Variants in SLC17A7 observed in about 807,000 individuals in gnomAD.
The protein encoded by SLC17A7 is solute carrier family 17 member 7.
A neutral mutation model predicts 59.1 loss-of-function variants in SLC17A7; 15 were observed. The ratio of observed to expected loss-of-function variants is 0.25; its 90% CI spans 0.17 to 0.39. The LOEUF is 0.39. Ranked by LOEUF, SLC17A7 falls within the 10% of genes least tolerant of loss-of-function variation. The probability of loss-of-function intolerance (pLI) is 1.00; values close to 1 mark genes in which losing one functional copy is unlikely to be tolerated. For missense variants in SLC17A7, 499 were observed against 765.1 expected, an observed-to-expected ratio of 0.65 and a Z score of 4.10; for synonymous variants, 353 against 308.9, an observed-to-expected ratio of 1.14 and a Z score of -1.50.
intron 1 of SLC17A7, among the ~76,000 whole-genome samples, chr19:49,438,843 TGAG>T (rs773548682): frequency 5.3e-5 from 8 of 152,130 alleles, no homozygotes; most frequent in Non-Finnish European, 1.0e-4. Context: ...CTTGTTAATA[TGAG>T]GAGATGTCAG....
chr19:49,432,542 A>G lies in SLC17A7; in HGVS notation c.1127T>C (p.Val376Ala). 1 of 1,613,542 alleles carries G rather than the reference A, an allele frequency of 6.2e-7. No homozygotes were observed. The highest frequency in any genetic ancestry group is 8.5e-7 in the Non-Finnish European group (1 of 1,179,804). The change falls in exon 9 of 12, where the codon GTG becomes GCG. Residue 376 changes from valine (V) to alanine (A), a missense_variant. This residue lies in a region of SLC17A7 where 323 missense variants were observed against 607.2 expected (regional missense o/e 0.53). Transcript: ENST00000221485. ...ACCTCCGCAGTTCATCAACTTGCGC[A>G]CGTTGGTGGTGGACATGATGCGGCG... ...RSRRIMSTTN[V>A]RKLMNCGGFG...
Position 49,436,976 on chromosome 19 carries a change from C to T in SLC17A7, c.63-175G>A. ...CCTTCGCCCCCCTGATCCAGAAATCCTCCATCTCCCTCAGACCGGGAATTC... is the reference window on the plus strand; with the variant it reads ...CCTTCGCCCCCCTGATCCAGAAATCTTCCATCTCCCTCAGACCGGGAATTC... On this transcript the variant is annotated intron_variant, in intron 1 of 11. Coordinates refer to ENST00000221485, the MANE Select transcript of SLC17A7 (RefSeq NM_020309.4). The surrounding 1 kb of genome is among the most constrained non-coding windows in gnomAD (Gnocchi z 4.1). The T allele has an allele frequency of 3.4e-6, 3 of 874,160 alleles. No homozygotes were observed. The highest frequency in any genetic ancestry group is 5.1e-6 in the Non-Finnish European group (3 of 589,710). 54.2% of individuals were successfully genotyped at this position (874,160 alleles called of 1,614,324 possible). A position where few individuals can be genotyped will look rare whatever the true frequency, so the allele number is the denominator to read the frequency against.
chr19:49,437,188 C>A (rs564017134), intron 1 of SLC17A7: 122 of 293,920 alleles, frequency 4.2e-4, no homozygotes, highest in African/African-American at 1.8e-3. Context: ...TTCGAGGAAG[C>A]AAAAGGTGCT....
rs2078978434 is a variant in SLC17A7, at chr19:49,436,065, A to G, written c.315+484T>C. 6.0e-6 allele frequency: 1 copy of G among 166,162 alleles called. No homozygotes were observed. The highest frequency in any genetic ancestry group is 1.3e-5 in the Non-Finnish European group (1 of 75,076). 10.3% of individuals were successfully genotyped at this position (166,162 alleles called of 1,614,324 possible). ...CAGAGCAATGGCCCCACTGCACCGT[A>G]GCCTGGGAGACCCTGTGGGTCTTTA... On this transcript the variant is annotated intron_variant, in intron 2 of 11. Coordinates refer to ENST00000221485, the MANE Select transcript of SLC17A7 (RefSeq NM_020309.4). This position sits in a 1 kb window ranked among gnomAD's most constrained non-coding sequence, Gnocchi z 4.1.
In SLC17A7 at chr19:49,431,469, C is replaced by A. The variant is rs200935592; in HGVS notation, c.1151-21G>T. 9,844 of 1,604,256 alleles carry A rather than the reference C, an allele frequency of 6.1e-3. 64 individuals carry two copies. Among genetic ancestry groups the A allele is most frequent in the Middle Eastern group, 0.023 (130 of 5,536 alleles). On this transcript the variant is annotated intron_variant, in intron 9 of 11. Transcript: ENST00000221485. This position sits in a 1 kb window ranked among gnomAD's most constrained non-coding sequence, Gnocchi z 4.6. Reference sequence around the variant, plus strand: ...GAAGCCTACGGGGGCGGGGGGGGCCCGCGTCTCCTGAGTGTCGGCCGGAGC... The same window carrying A: ...GAAGCCTACGGGGGCGGGGGGGGCCAGCGTCTCCTGAGTGTCGGCCGGAGC...
intron 1 of SLC17A7, among the ~76,000 whole-genome samples, chr19:49,439,967 G>A (rs1258811621): frequency 6.6e-6 from 1 of 152,016 alleles, no homozygotes; most frequent in Non-Finnish European, 1.5e-5. Flanking sequence ...TCACACTGAT[G>A]TATTTTGAGA....
chr19:49,436,184 T>G lies in SLC17A7; in HGVS notation c.315+365A>C. 1 of 258,912 alleles carries G rather than the reference T, an allele frequency of 3.9e-6. No individual in the cohort carries two copies. 16.0% of individuals were successfully genotyped at this position (258,912 alleles called of 1,614,324 possible). ...GGAGGAACCTGAGATGGGACTGAGA[T>G]TAAATAGATGTGACCCGGGGACATG... On this transcript the variant is annotated intron_variant, in intron 2 of 11. Coordinates refer to ENST00000221485, the MANE Select transcript of SLC17A7 (RefSeq NM_020309.4). This position sits in a 1 kb window ranked among gnomAD's most constrained non-coding sequence, Gnocchi z 4.1.
Position 49,433,648 on chromosome 19 carries a change from C to G in SLC17A7, c.867+78G>C. ...CGTCTCCTCTAGAGTCTGCAGGAAC[C>G]GTCCCTGATCTACACGCTGTGCAGG... On this transcript the variant is annotated intron_variant, in intron 7 of 11. Transcript: ENST00000221485. The surrounding 1 kb of genome is among the most constrained non-coding windows in gnomAD (Gnocchi z 5.7). 1 of 1,595,346 alleles carries G rather than the reference C, an allele frequency of 6.3e-7. No homozygotes were observed. The highest frequency in any genetic ancestry group is 8.6e-7 in the Non-Finnish European group (1 of 1,165,184).
In SLC17A7 at chr19:49,441,374, C is replaced by T; in HGVS notation, c.6G>A (p.Glu2=). 1.3e-6 allele frequency: 2 copies of T among 1,592,922 alleles called. No individual in the cohort carries two copies. The highest frequency in any genetic ancestry group is 1.7e-6 in the Non-Finnish European group (2 of 1,173,138). The part of the protein sequence containing the change: M[E]FRQEEFRKLA... ...GCTTCCGAAACTCCTCCTGGCGGAA[C>T]TCCATGGTGGCGGCTCCTGCCGCCG... Residue 2 remains glutamate, a synonymous_variant, in exon 1 of 12, where the codon GAG becomes GAA. Coordinates refer to ENST00000221485, the MANE Select transcript of SLC17A7 (RefSeq NM_020309.4).
chr19:49,431,113 G>T lies in SLC17A7; in HGVS notation c.1291C>A (p.Pro431Thr). The T allele has an allele frequency of 6.2e-7, 1 of 1,613,942 alleles. No individual in the cohort carries two copies. Among genetic ancestry groups the T allele is most frequent in the Non-Finnish European group, 8.5e-7 (1 of 1,180,002 alleles). The change falls in exon 11 of 12, where the codon CCG (proline) becomes ACG (threonine). Residue 431 changes from proline to threonine, a missense_variant. Coordinates refer to ENST00000221485, the MANE Select transcript of SLC17A7 (RefSeq NM_020309.4). This position sits in a 1 kb window ranked among gnomAD's most constrained non-coding sequence, Gnocchi z 4.6. ...GFNVNHLDIA[P>T]RYASILMGIS... is the part of the protein sequence containing the mutation. ...CCCATGAGGATGCTGGCGTAGCGCG[G>T]GGCTATGTCCAGGTGGTTCACGTTG...
chr19:49,433,622 C>G lies in SLC17A7; in HGVS notation c.867+104G>C. The G allele has an allele frequency of 6.6e-7, 1 of 1,523,340 alleles. No individual in the cohort carries two copies. The allele number at this position is 1,523,340 out of a possible 1,614,324, so 94.4% of individuals were successfully genotyped here. Reference sequence around the variant, plus strand: ...TAGCCCCTCTCTTTGCGTTCCAGTCCCGTCTCCTCTAGAGTCTGCAGGAAC... The same window carrying G: ...TAGCCCCTCTCTTTGCGTTCCAGTCGCGTCTCCTCTAGAGTCTGCAGGAAC... On this transcript the variant is annotated intron_variant, in intron 7 of 11. Transcript: ENST00000221485. This position sits in a 1 kb window ranked among gnomAD's most constrained non-coding sequence, Gnocchi z 5.7.
chr19:49,432,619 G>T lies in SLC17A7; in HGVS notation c.1050C>A (p.Val350=), dbSNP rs532411812. ...VGLVSALPHL[V]MTIIVPIGGQ... ...CGCCGATGGGCACGATGATGGTCAT[G>T]ACCAGGTGGGGCAGCGCGGACACCA... Residue 350 remains valine (V), a synonymous_variant, in exon 9 of 12, where the codon GTC becomes GTA. Transcript: ENST00000221485. The T allele has an allele frequency of 2.5e-5, 41 of 1,613,890 alleles. No homozygotes were observed. In the South Asian group the frequency reaches 4.4e-4, roughly 17 times the overall value.
At chr19:49,439,765 C>T (rs1040337310) in intron 1 of SLC17A7, among the ~76,000 whole-genome samples, 5 of 152,120 alleles carry the variant, frequency 3.3e-5, no homozygotes, top group African/African-American at 4.8e-5. Flanking sequence ...GGCCAGAGCC[C>T]GGGGGTCTCT....
At position 49,432,841 on chromosome 19, in the gene SLC17A7, G is replaced by C; in HGVS notation, c.987C>G (p.Phe329Leu). Residue 329 changes from phenylalanine to leucine, a missense_variant, in exon 8 of 12, where the codon TTC (phenylalanine) becomes TTG (leucine). Physicochemically the swap from Phe to Leu is conservative, Grantham distance 22 (BLOSUM62 0). This residue lies in a region of SLC17A7 where 323 missense variants were observed against 607.2 expected (regional missense o/e 0.53). Coordinates refer to ENST00000221485, the MANE Select transcript of SLC17A7 (RefSeq NM_020309.4). ...TGATCTCGAAGCCGAACACTTCTTC[G>C]AAGTAGGCGGGCTGGGAGATGAGCA... Reference protein sequence around the residue: ...YLLLISQPAYFEEVFGFEISK... With the variant: ...YLLLISQPAYLEEVFGFEISK... 6.3e-7 allele frequency: 1 copy of C among 1,591,102 alleles called. No individual in the cohort carries two copies. Among genetic ancestry groups the C allele is most frequent in the Non-Finnish European group, 8.6e-7 (1 of 1,168,508 alleles).
chr19:49,435,441 T>G, intron 2 of SLC17A7, 155 bp from the exon 3 acceptor site: 1 of 627,988 alleles, frequency 1.6e-6, no homozygotes, highest in South Asian at 1.9e-5. Flanking sequence ...TATCTTTCTG[T>G]CAATTAAAGT....
chr19:49,429,578 G>A lies in SLC17A7; in HGVS notation c.*941C>T, dbSNP rs2078950066. ...TCCCCAAATTCTAAGCTGAAAGAGG[G>A]GTGTCTGAGAGGGGAAGGATCCCAG... On this transcript the variant is annotated 3_prime_UTR_variant, in exon 12 of 12. Transcript: ENST00000221485. 1.3e-5 allele frequency: 5 copies of A among 398,920 alleles called. No individual in the cohort carries two copies. 24.7% of individuals were successfully genotyped at this position (398,920 alleles called of 1,614,324 possible).
At chr19:49,441,223 G>C in intron 1 of SLC17A7, 95 bp downstream of exon 1, 1 of 1,536,934 alleles carries the variant, frequency 6.5e-7, no homozygotes, top group South Asian at 1.2e-5. Flanking sequence ...CCATGCCGGG[G>C]TATCGCCCGT....
At chr19:49,438,886 G>T (rs1022185356) in intron 1 of SLC17A7, among the ~76,000 whole-genome samples, 3 of 152,132 alleles carry the variant, frequency 2.0e-5, no homozygotes, top group Non-Finnish European at 4.4e-5. Context: ...TAAACAGGGG[G>T]TCTCAGTATC....
chr19:49,432,544 G>T lies in SLC17A7; in HGVS notation c.1125C>A (p.Asn375Lys), dbSNP rs61736994. The change falls in exon 9 of 12, where the codon AAC (asparagine) becomes AAA (lysine). Residue 375 changes from asparagine to lysine, a missense_variant. Physicochemically the swap from Asn to Lys is moderately conservative, Grantham distance 94. This residue lies in a region of SLC17A7 where 323 missense variants were observed against 607.2 expected (regional missense o/e 0.53). Transcript: ENST00000221485. ...CTCCGCAGTTCATCAACTTGCGCAC[G>T]TTGGTGGTGGACATGATGCGGCGGC... ...LRSRRIMSTT[N>K]VRKLMNCGGF... The T allele has an allele frequency of 1.1e-5, 18 of 1,613,602 alleles. No individual in the cohort carries two copies. Among genetic ancestry groups the T allele is most frequent in the East Asian group, 2.2e-5 (1 of 44,866 alleles).
Sources: gnomAD v4.1 joint callset for allele counts (sites outside exome capture counted in the v4.1 genomes callset) on GRCh38, gnomAD v4.1.1 for gene constraint, gnomAD v4.1.1 regional missense constraint, Gnocchi (gnomAD v3.1) non-coding constraint, MANE v1.5 for transcripts, NCBI Gene and HGNC (gene_info 2026-07-23, HGNC 2026-07-21) for gene names.